The following ARHGAP15 variants were observed in gnomAD, a reference collection of about 807,000 sequenced individuals.
ARHGAP15 encodes the protein Rho GTPase activating protein 15.
In ARHGAP15, 51 loss-of-function variants were observed where a neutral mutation model predicts 63.7. The observed-to-expected ratio is 0.80, with a 90% CI of 0.64 to 1.01. ARHGAP15 has a LOEUF of 1.01. Among genes scored for constraint, ARHGAP15 ranks in the 50% least tolerant of loss-of-function variants. The pLI is 0.00. For synonymous variants in ARHGAP15, 191 were observed against 193.8 expected (o/e 0.99, Z 0.12); for missense variants, 560 against 564.6 (o/e 0.99, Z 0.08).
intron 1 of ARHGAP15, among the ~76,000 whole-genome samples, chr2:143,134,570 A>T (rs354719): frequency 0.78 from 118,077 of 151,848 alleles, 46,445 homozygotes; most frequent in Non-Finnish European, 0.83. Context: ...CAAGCCTTGG[A>T]GTGAGATGTC....
At chr2:143,166,479 C>T (rs552498166) in intron 2 of ARHGAP15, among the ~76,000 whole-genome samples, 2 of 151,978 alleles carry the variant, frequency 1.3e-5, no homozygotes, top group Non-Finnish European at 2.9e-5. Context: ...GGGACATAAA[C>T]CAAAAAGTTT....
At chr2:143,572,453 C>T (rs1342990897) in intron 11 of ARHGAP15, among the ~76,000 whole-genome samples, 2 of 152,142 alleles carry the variant, frequency 1.3e-5, no homozygotes, top group Non-Finnish European at 2.9e-5. Flanking sequence ...GCGTTATCAT[C>T]CCCATCTCTC....
intron 1 of ARHGAP15, among the ~76,000 whole-genome samples, chr2:143,142,026 C>A (rs1054280717): frequency 6.6e-6 from 1 of 152,082 alleles, no homozygotes; most frequent in Non-Finnish European, 1.5e-5. Flanking sequence ...CCATACACAC[C>A]TGGATCAGTT....
chr2:143,687,111 T>C (rs1386174261), intron 12 of ARHGAP15, among the ~76,000 whole-genome samples: 1 of 152,146 alleles, frequency 6.6e-6, no homozygotes, highest in Non-Finnish European at 1.5e-5. Context: ...ATCAGCTGGG[T>C]AACTATCTTA....
At chr2:143,490,740 C>T (rs997019656) in intron 9 of ARHGAP15, among the ~76,000 whole-genome samples, 4 of 152,108 alleles carry the variant, frequency 2.6e-5, no homozygotes, top group Non-Finnish European at 4.4e-5. Flanking sequence ...CATGCTTCAG[C>T]TCCTGAGTAG....
intron 8 of ARHGAP15, among the ~76,000 whole-genome samples, chr2:143,439,213 A>G (rs986254228): frequency 7.4e-6 from 1 of 134,924 alleles, no homozygotes. Flanking sequence ...ACCTGAGGTC[A>G]GGAGTTCAAG....
intron 6 of ARHGAP15, among the ~76,000 whole-genome samples, chr2:143,294,418 A>G (rs185960688): frequency 2.6e-5 from 4 of 152,224 alleles, no homozygotes; most frequent in African/African-American, 7.2e-5. Context: ...TGGTTTAAAC[A>G]AAATAGAATT....
At chr2:143,138,942 G>A (rs538272349) in intron 1 of ARHGAP15, among the ~76,000 whole-genome samples, 1 of 152,150 alleles carries the variant, frequency 6.6e-6, no homozygotes, top group Non-Finnish European at 1.5e-5. Context: ...TGTGGCTACA[G>A]GAAATTTTTA....
chr2:143,514,738 G>T (rs548677529), intron 9 of ARHGAP15, among the ~76,000 whole-genome samples: 1 of 152,178 alleles, frequency 6.6e-6, no homozygotes, highest in South Asian at 2.1e-4. Flanking sequence ...GACTGGACTT[G>T]TCTCTTCACT....
intron 6 of ARHGAP15, among the ~76,000 whole-genome samples, chr2:143,336,888 G>A (rs1408839575): frequency 6.6e-6 from 1 of 152,106 alleles, no homozygotes; most frequent in Non-Finnish European, 1.5e-5. Context: ...TTTGTGCCAG[G>A]CCCTAGGCTG....
At chr2:143,136,324 T>G (rs1235005117) in intron 1 of ARHGAP15, among the ~76,000 whole-genome samples, 3 of 152,080 alleles carry the variant, frequency 2.0e-5, no homozygotes, top group Non-Finnish European at 4.4e-5. Context: ...ACTTCTTTTA[T>G]TTTTTATTTT....
chr2:143,141,294 T>C (rs1689351715), intron 1 of ARHGAP15, among the ~76,000 whole-genome samples: 1 of 152,084 alleles, frequency 6.6e-6, no homozygotes, highest in Non-Finnish European at 1.5e-5. Context: ...TGAATGAATA[T>C]ACCAATTTCA....
At chr2:143,697,295 T>C (rs1683893411) in intron 12 of ARHGAP15, among the ~76,000 whole-genome samples, 1 of 152,226 alleles carries the variant, frequency 6.6e-6, no homozygotes, top group Non-Finnish European at 1.5e-5. Context: ...AGCAGTTATG[T>C]ATCAGGGATG....
chr2:143,705,213 C>G (rs1684273505), intron 13 of ARHGAP15, among the ~76,000 whole-genome samples: 1 of 152,132 alleles, frequency 6.6e-6, no homozygotes, highest in Non-Finnish European at 1.5e-5. Flanking sequence ...TCTGACTCAT[C>G]ATTTTCTGTC....
intron 6 of ARHGAP15, among the ~76,000 whole-genome samples, chr2:143,286,531 G>T (rs961474061): frequency 2.0e-5 from 3 of 152,140 alleles, no homozygotes; most frequent in East Asian, 3.8e-4. Flanking sequence ...ATCTGCATGT[G>T]AGTGTGCTCA....
intron 1 of ARHGAP15, among the ~76,000 whole-genome samples, chr2:143,144,109 G>A (rs1297041330): frequency 2.0e-5 from 3 of 151,948 alleles, no homozygotes; most frequent in African/African-American, 7.2e-5. Context: ...TTCTTGTTAT[G>A]ACTGTATAGT....
chr2:143,430,387 C>G (rs1010169303), intron 6 of ARHGAP15, among the ~76,000 whole-genome samples: 3 of 151,968 alleles, frequency 2.0e-5, no homozygotes, highest in African/African-American at 7.2e-5. Context: ...ATTACTCAAA[C>G]CAGACTGTAA....
chr2:143,633,029 T>C (rs1680130438), intron 12 of ARHGAP15, among the ~76,000 whole-genome samples: 1 of 152,132 alleles, frequency 6.6e-6, no homozygotes, highest in Non-Finnish European at 1.5e-5. Context: ...AAAGCAGAGA[T>C]GTAAAAATAA....
intron 10 of ARHGAP15, among the ~76,000 whole-genome samples, chr2:143,546,085 A>T (rs1695315772): frequency 6.6e-6 from 1 of 152,204 alleles, no homozygotes; most frequent in Non-Finnish European, 1.5e-5. Context: ...AAATGTGATG[A>T]CTGTGATTCA....
Sources: gnomAD v4.1 joint callset for allele counts (sites outside exome capture counted in the v4.1 genomes callset) on GRCh38, gnomAD v4.1.1 for gene constraint, MANE v1.5 for transcripts, NCBI Gene and HGNC (gene_info 2026-07-23, HGNC 2026-07-21) for gene names.